Variants in PCNX1 observed in about 807,000 individuals in gnomAD.
PCNX1 encodes pecanex 1.
In PCNX1, 78 loss-of-function variants were observed where a neutral mutation model predicts 242.2. The ratio of observed to expected loss-of-function variants is 0.32; its 90% CI spans 0.27 to 0.39. The LOEUF is 0.39. Ranked by LOEUF, PCNX1 falls within the 10% of genes least tolerant of loss-of-function variation. PCNX1 has a pLI of 1.00. For synonymous variants in PCNX1, 1,024 were observed against 1,032.9 expected (o/e 0.99, Z 0.17); for missense variants, 2,581 against 2,856.5 (o/e 0.90, Z 2.20).
intron 15 of PCNX1, among the ~76,000 whole-genome samples, chr14:71,027,615 G>A (rs1204235727): frequency 1.3e-5 from 2 of 151,778 alleles, no homozygotes; most frequent in Non-Finnish European, 3.0e-5. Flanking sequence ...TTCTCTACAC[G>A]TTTCACATTT....
At position 71,114,462 on chromosome 14, in the gene PCNX1, A is replaced by G. The variant is rs890294639; in HGVS notation, c.*4527A>G. On this transcript the variant is annotated 3_prime_UTR_variant, in exon 36 of 36. Coordinates refer to ENST00000304743, the MANE Select transcript of PCNX1 (RefSeq NM_014982.3). ...TTTCTACTTTGAATCACCTCACCAGAGTCATCTGTCAAGAATTATGTATAA... is the reference window on the plus strand; with the variant it reads ...TTTCTACTTTGAATCACCTCACCAGGGTCATCTGTCAAGAATTATGTATAA... The G allele has an allele frequency of 6.6e-6, 1 of 152,376 alleles. No individual in the cohort carries two copies. Among genetic ancestry groups the G allele is most frequent in the African/African-American group, 2.4e-5 (1 of 41,450 alleles). 9.4% of individuals were successfully genotyped at this position (152,376 alleles called of 1,614,324 possible).
At chr14:71,046,355 A>G (rs906153407) in intron 20 of PCNX1, among the ~76,000 whole-genome samples, 28 of 152,232 alleles carry the variant, frequency 1.8e-4, no homozygotes, top group African/African-American at 6.3e-4. Flanking sequence ...GTAGTCTACA[A>G]ATTTTGAATC....
intron 28 of PCNX1, among the ~76,000 whole-genome samples, chr14:71,079,870 G>A (rs911724467): frequency 3.3e-5 from 5 of 152,106 alleles, no homozygotes; most frequent in African/African-American, 1.2e-4. Context: ...AAGCTTTTTA[G>A]TTTAATTAGA....
At chr14:70,996,320 T>C (rs1453615263) in intron 8 of PCNX1, among the ~76,000 whole-genome samples, 1 of 152,208 alleles carries the variant, frequency 6.6e-6, no homozygotes, top group South Asian at 2.1e-4. Context: ...TGCTTTCTAA[T>C]TGTCTGCCAC....
At chr14:70,983,810 A>G (rs2140191809) in intron 6 of PCNX1, among the ~76,000 whole-genome samples, 1 of 151,656 alleles carries the variant, frequency 6.6e-6, no homozygotes, top group South Asian at 2.1e-4. Context: ...AATGAGCTTG[A>G]AAAGCATTTG....
At chr14:71,051,189 A>C (rs1297779135) in intron 23 of PCNX1, among the ~76,000 whole-genome samples, 13 of 150,462 alleles carry the variant, frequency 8.6e-5, no homozygotes, top group African/African-American at 2.7e-4. Flanking sequence ...AAAAAAAAAA[A>C]AAAAAAAAAT....
intron 5 of PCNX1, among the ~76,000 whole-genome samples, chr14:70,976,651 G>A (rs1204732714): frequency 6.6e-6 from 1 of 152,118 alleles, no homozygotes; most frequent in Non-Finnish European, 1.5e-5. Context: ...GGGATTACAA[G>A]CGTGAGCCAC....
In PCNX1 at chr14:71,057,709, G is replaced by A. The variant is rs775050117; in HGVS notation, c.4837G>A (p.Gly1613Arg). The change falls in exon 26 of 36, where the codon GGA (glycine) becomes AGA (arginine). Residue 1613 changes from glycine to arginine, a missense_variant. Gly to Arg is a moderately radical substitution (Grantham distance 125, BLOSUM62 -2). This residue lies in a region of PCNX1 where 298 missense variants were observed against 480.1 expected (regional missense o/e 0.62). Transcript: ENST00000304743. ...TGGTCTGGTCACTTTTCAGCTGCGG[G>A]GACTTGAATTCAGAGGTAAGACATT... ...GNGLVTFQLR[G>R]LEFRGTYCQQ... 1 of 1,611,968 alleles carries A rather than the reference G, an allele frequency of 6.2e-7. No homozygotes were observed.
chr14:71,105,180 A>G, intron 32 of PCNX1, 55 bp from the exon 33 acceptor site: 1 of 1,301,866 alleles, frequency 7.7e-7, no homozygotes, highest in Non-Finnish European at 1.1e-6. Flanking sequence ...AGAATAAAAT[A>G]CCCATTTTGA....
intron 33 of PCNX1, among the ~76,000 whole-genome samples, chr14:71,108,036 G>A (rs766780018): frequency 5.3e-5 from 8 of 152,140 alleles, no homozygotes; most frequent in Non-Finnish European, 7.4e-5. Context: ...AGGCTGTACA[G>A]TAGACCTCCA....
At chr14:70,961,948 T>G (rs1311774054) in intron 2 of PCNX1, among the ~76,000 whole-genome samples, 4 of 152,184 alleles carry the variant, frequency 2.6e-5, no homozygotes, top group African/African-American at 9.7e-5. Context: ...ATGCTATAAT[T>G]GTAATTAATG....
In PCNX1 at chr14:71,108,633, T is replaced by G; in HGVS notation, c.6331T>G (p.Ser2111Ala). 1.2e-6 allele frequency: 2 copies of G among 1,613,730 alleles called. No homozygotes were observed. The highest frequency in any genetic ancestry group is 2.2e-5 in the South Asian group (2 of 91,020). The change falls in exon 34 of 36, where the codon TCG becomes GCG. Residue 2111 changes from serine (S) to alanine (A), a missense_variant. Physicochemically the swap from Ser to Ala is moderately conservative, Grantham distance 99. Transcript: ENST00000304743. The stretch of plus-strand genomic sequence containing the variant: ...TAGCCACAGCTCTCACTCTGTGCAG[T>G]CGGGCCTGGTCAGACAGTCTCCTGC... ...GTSHSSHSVQ[S>A]GLVRQSPARA... is the part of the protein sequence containing the mutation.
At chr14:71,081,984 T>C (rs965604791) in intron 28 of PCNX1, among the ~76,000 whole-genome samples, 1 of 152,208 alleles carries the variant, frequency 6.6e-6, no homozygotes, top group Non-Finnish European at 1.5e-5. Context: ...ACTTTTTTTC[T>C]GTGGGCATTT....
chr14:71,050,500 CT>C, intron 22 of PCNX1, 151 bp from the exon 23 acceptor site: 1 of 596,964 alleles, frequency 1.7e-6, no homozygotes, highest in Non-Finnish European at 2.8e-6. Context: ...GTTGATATAT[CT>C]TTTCCTGTTA....
intron 11 of PCNX1, among the ~76,000 whole-genome samples, chr14:71,017,829 A>G (rs2059998735): frequency 6.6e-6 from 1 of 152,244 alleles, no homozygotes; most frequent in Non-Finnish European, 1.5e-5. Context: ...GTTTGGAAAT[A>G]CTATTGAACT....
chr14:70,935,275 A>G (rs1265636505), intron 1 of PCNX1, among the ~76,000 whole-genome samples: 3 of 152,224 alleles, frequency 2.0e-5, no homozygotes, highest in South Asian at 2.1e-4. Flanking sequence ...AGCTGGGCAC[A>G]GTGTCTCATG....
In PCNX1 at chr14:71,076,426, T is replaced by C. The variant is rs1340876304; in HGVS notation, c.5337+7T>C. On this transcript the variant is annotated splice_region_variant and intron_variant, in intron 28 of 35. Transcript: ENST00000304743. ...CTCTTCCCGAAGAGCAAAGGTAGAG[T>C]TTATTTCATTTATAACTCTTTGAAT... The C allele has an allele frequency of 3.3e-6, 5 of 1,524,528 alleles. No homozygotes were observed. In the Admixed American group the frequency reaches 6.7e-5, roughly 20 times the overall value. 94.4% of individuals were successfully genotyped at this position (1,524,528 alleles called of 1,614,324 possible). A position where few individuals can be genotyped will look rare whatever the true frequency, so the allele number is the denominator to read the frequency against.
At chr14:70,998,683 G>A (rs1044906908) in intron 8 of PCNX1, among the ~76,000 whole-genome samples, 7 of 150,278 alleles carry the variant, frequency 4.7e-5, no homozygotes, top group African/African-American at 1.7e-4. Context: ...TCTGGGAGGC[G>A]GAGGTTGCAG....
At chr14:71,039,799 A>C (rs911198313) in intron 19 of PCNX1, among the ~76,000 whole-genome samples, 5 of 152,086 alleles carry the variant, frequency 3.3e-5, no homozygotes, top group African/African-American at 1.2e-4. Context: ...TTATTATCTA[A>C]ATCAGGTTCA....
Sources: gnomAD v4.1 joint callset for allele counts (sites outside exome capture counted in the v4.1 genomes callset) on GRCh38, gnomAD v4.1.1 for gene constraint, gnomAD v4.1.1 regional missense constraint, MANE v1.5 for transcripts, NCBI Gene and HGNC (gene_info 2026-07-23, HGNC 2026-07-21) for gene names.